CNTNAP2: variants seen among roughly 807,000 people sequenced by gnomAD.
CNTNAP2 encodes the protein contactin-associated protein-like 2.
CNTNAP2 carries 98 observed loss-of-function variants against 155.2 expected under a neutral mutation model. That is an observed-to-expected ratio of 0.63 (90% CI 0.54 to 0.75). The LOEUF is 0.75. Ranked by LOEUF, CNTNAP2 falls within the 30% of genes least tolerant of loss-of-function variation. CNTNAP2 has a pLI of 0.00. For missense variants in CNTNAP2, 1,727 were observed against 1,688.1 expected (o/e 1.02, Z -0.40); for synonymous variants, 651 against 631.2 (o/e 1.03, Z -0.47).
chr7:146,467,902 G>T (rs564694738), intron 1 of CNTNAP2, among the ~76,000 whole-genome samples: 1 of 152,188 alleles, frequency 6.6e-6, no homozygotes, highest in African/African-American at 2.4e-5. Context: ...TGTAATAGTA[G>T]TTGATTAAAA....
chr7:147,174,659 C>A (rs1802299555), intron 8 of CNTNAP2, among the ~76,000 whole-genome samples: 1 of 152,104 alleles, frequency 6.6e-6, no homozygotes, highest in African/African-American at 2.4e-5. Flanking sequence ...AATTTAGACT[C>A]TGGGCCATTT....
intron 1 of CNTNAP2, among the ~76,000 whole-genome samples, chr7:146,567,414 CAATTT>C (rs1343163926): frequency 2.0e-5 from 3 of 151,912 alleles, no homozygotes; most frequent in Non-Finnish European, 4.4e-5. Flanking sequence ...GAAAATCAAT[CAATTT>C]AATTATATTT....
intron 13 of CNTNAP2, among the ~76,000 whole-genome samples, chr7:147,787,113 A>G (rs116485534): frequency 0.011 from 1,642 of 152,328 alleles, 45 homozygotes; most frequent in African/African-American, 0.037. Context: ...ATAGTGATGC[A>G]TATGGTAGAG....
chr7:147,449,830 A>G (rs1438019065), intron 10 of CNTNAP2, among the ~76,000 whole-genome samples: 2 of 152,206 alleles, frequency 1.3e-5, no homozygotes, highest in Non-Finnish European at 2.9e-5. Context: ...GTGAAAATAC[A>G]AACATTCTCT....
intron 21 of CNTNAP2, among the ~76,000 whole-genome samples, chr7:148,364,203 T>C (rs552259768): frequency 8.8e-4 from 134 of 152,300 alleles, no homozygotes; most frequent in African/African-American, 1.8e-3. Context: ...GAGCGCACGG[T>C]GCAGGACTGG....
At chr7:146,173,108 G>C (rs1798418143) in intron 1 of CNTNAP2, among the ~76,000 whole-genome samples, 1 of 152,068 alleles carries the variant, frequency 6.6e-6, no homozygotes, top group Non-Finnish European at 1.5e-5. Context: ...ACCAGAACAA[G>C]TAGAAGTAAA....
chr7:148,272,456 T>C (rs1458605005), intron 21 of CNTNAP2, among the ~76,000 whole-genome samples: 1 of 152,182 alleles, frequency 6.6e-6, no homozygotes, highest in African/African-American at 2.4e-5. Flanking sequence ...AACATCTCTA[T>C]TAATGCCTTG....
At chr7:146,331,839 C>T (rs1801193545) in intron 1 of CNTNAP2, among the ~76,000 whole-genome samples, 1 of 152,208 alleles carries the variant, frequency 6.6e-6, no homozygotes, top group East Asian at 1.9e-4. Context: ...AATGTTAATG[C>T]AGTAGAATAT....
intron 1 of CNTNAP2, among the ~76,000 whole-genome samples, chr7:146,151,714 GTATA>G (rs548721179): frequency 1.4e-5 from 1 of 72,426 alleles, no homozygotes; most frequent in African/African-American, 5.3e-5. Context: ...ATATATATAT[GTATA>G]TATATATATG....
chr7:148,331,782 A>AGGTGGAATGGACGGATGGAATGGACG (rs1250876609), intron 21 of CNTNAP2, among the ~76,000 whole-genome samples: 1,228 of 13,858 alleles, frequency 0.089, 361 homozygotes, highest in Non-Finnish European at 0.14. Context: ...TGGAATGGAC[A>AGGTGGAATGGACGGATGGAATGGACG]GATGGAGTGG....
intron 1 of CNTNAP2, among the ~76,000 whole-genome samples, chr7:146,127,271 G>A (rs1797650865): frequency 6.6e-6 from 1 of 152,130 alleles, no homozygotes; most frequent in Non-Finnish European, 1.5e-5. Context: ...GAATCTTGGA[G>A]CAGACTGATG....
intron 1 of CNTNAP2, among the ~76,000 whole-genome samples, chr7:146,631,164 A>G (rs1210323918): frequency 1.3e-5 from 2 of 152,182 alleles, no homozygotes; most frequent in Non-Finnish European, 2.9e-5. Flanking sequence ...AAACTACACT[A>G]CAAGGCTACA....
intron 11 of CNTNAP2, among the ~76,000 whole-genome samples, chr7:147,503,669 C>A (rs913470608): frequency 6.9e-6 from 1 of 145,324 alleles, no homozygotes; most frequent in African/African-American, 2.6e-5. Flanking sequence ...AAAACTTAAA[C>A]GGATTTCTCT....
intron 14 of CNTNAP2, among the ~76,000 whole-genome samples, chr7:147,976,030 T>G (rs1563154761): frequency 6.6e-6 from 1 of 152,178 alleles, no homozygotes; most frequent in Non-Finnish European, 1.5e-5. Context: ...ATACATTTTT[T>G]TAAATGGCTG....
rs145384767 is a variant in CNTNAP2, at chr7:147,720,407, T to G, written c.2098+81101T>G. Among the ~76,000 whole-genome samples, 9 of 152,252 alleles carry G rather than the reference T, an allele frequency of 5.9e-5. No homozygotes were observed. The South Asian group carries it at 1.9e-3, about 32-fold the overall frequency. Reference sequence around the variant, plus strand: ...TGTTGAGGATCACCAAACAAGCTAATAGCCCTCAAGTGTGGGATCACGTTA... The same window carrying G: ...TGTTGAGGATCACCAAACAAGCTAAGAGCCCTCAAGTGTGGGATCACGTTA... On this transcript the variant is annotated intron_variant, in intron 13 of 23. Transcript: ENST00000361727.
At position 147,878,076 on chromosome 7, in the gene CNTNAP2, G is replaced by A. The variant is rs562503181; in HGVS notation, c.2099-25489G>A. Among the ~76,000 whole-genome samples the A allele has an allele frequency of 6.6e-5, 10 of 152,050 alleles. No homozygotes were observed. The South Asian group carries it at 1.2e-3, about 19-fold the overall frequency. On this transcript the variant is annotated intron_variant, in intron 13 of 23. Transcript: ENST00000361727. ...TATGCTGATGGTTTTTGCAGCTATGGTAGTAACATTTTTCCAGCCATCTTT... is the reference window on the plus strand; with the variant it reads ...TATGCTGATGGTTTTTGCAGCTATGATAGTAACATTTTTCCAGCCATCTTT...
chr7:146,953,186 A>T (rs1414761233), intron 3 of CNTNAP2, among the ~76,000 whole-genome samples: 1 of 152,026 alleles, frequency 6.6e-6, no homozygotes, highest in Non-Finnish European at 1.5e-5. Context: ...ATGGAGAAAA[A>T]GAGCCATATA....
At chr7:146,970,083 A>G (rs1302435957) in intron 3 of CNTNAP2, among the ~76,000 whole-genome samples, 2 of 152,148 alleles carry the variant, frequency 1.3e-5, no homozygotes, top group Non-Finnish European at 2.9e-5. Flanking sequence ...AGACTTAAAC[A>G]ATAGACCTAA....
chr7:148,189,440 T>C (rs1795169072), intron 18 of CNTNAP2, among the ~76,000 whole-genome samples: 1 of 152,122 alleles, frequency 6.6e-6, no homozygotes, highest in African/African-American at 2.4e-5. Flanking sequence ...AAAAGGGCAG[T>C]TCCTTTTATA....
Sources: allele counts gnomAD v4.1 joint callset (sites outside exome capture counted in the v4.1 genomes callset), GRCh38; gene constraint gnomAD v4.1.1; transcripts MANE v1.5; gene names NCBI Gene and HGNC (gene_info 2026-07-23, HGNC 2026-07-21).